PILRA: variants seen among roughly 807,000 people sequenced by gnomAD.
PILRA encodes paired immunoglobulin-like type 2 receptor alpha.
In PILRA, 37 loss-of-function variants were observed where a neutral mutation model predicts 33.1. The observed-to-expected ratio is 1.12, with a 90% confidence interval of 0.86 to 1.47. PILRA has a LOEUF of 1.47. Among genes scored for constraint, PILRA ranks in the 40% most tolerant of loss-of-function variants. The pLI is 0.00. For missense variants in PILRA, 312 were observed against 376.2 expected, an observed-to-expected ratio of 0.83 and a Z score of 1.41; for synonymous variants, 146 against 149.9, an observed-to-expected ratio of 0.97 and a Z score of 0.19.
At chr7:100,394,894 A>G (rs1297183919) in intron 3 of PILRA, among the ~76,000 whole-genome samples, 1 of 152,220 alleles carries the variant, frequency 6.6e-6, no homozygotes, top group Non-Finnish European at 1.5e-5. Flanking sequence ...AAGCCTCATG[A>G]CACTGGGTTT....
At chr7:100,390,639 GGAA>G (rs1396654465) in intron 3 of PILRA, among the ~76,000 whole-genome samples, 4 of 152,196 alleles carry the variant, frequency 2.6e-5, no homozygotes, top group South Asian at 2.1e-4. Flanking sequence ...AATAAGGGTG[GGAA>G]GAAGGAGAGG....
rs761489628 is a variant in PILRA, at chr7:100,374,301, G to A, written c.322G>A (p.Gly108Ser). 8.7e-6 allele frequency: 14 copies of A among 1,614,092 alleles called. No individual in the cohort carries two copies. The highest frequency in any genetic ancestry group is 1.2e-5 in the Non-Finnish European group (14 of 1,179,992). Residue 108 changes from glycine (G) to serine (S), a missense_variant, in exon 2 of 7, where the codon GGC (glycine) becomes AGC (serine). Coordinates refer to ENST00000198536, the MANE Select transcript of PILRA (RefSeq NM_013439.3). The stretch of plus-strand genomic sequence containing the variant: ...GAACTGGACAGAGGGTCAGAAGAGC[G>A]GCTTCCTCAGGATCTCCAACCTGCA... The part of the protein sequence containing the change: ...FLNWTEGQKS[G>S]FLRISNLQKQ...
chr7:100,377,497 T>C (rs1790982742), intron 2 of PILRA, among the ~76,000 whole-genome samples: 1 of 152,168 alleles, frequency 6.6e-6, no homozygotes, highest in African/African-American at 2.4e-5. Flanking sequence ...CGCCTCGGCC[T>C]CCCAAAGTGC....
intron 2 of PILRA, among the ~76,000 whole-genome samples, chr7:100,379,946 A>G (rs1286059051): frequency 1.3e-5 from 2 of 152,168 alleles, no homozygotes; most frequent in Non-Finnish European, 2.9e-5. Flanking sequence ...TTATACCACA[A>G]AACTCTGTAA....
chr7:100,378,610 T>C (rs1271331569), intron 2 of PILRA, among the ~76,000 whole-genome samples: 1 of 151,780 alleles, frequency 6.6e-6, no homozygotes, highest in African/African-American at 2.4e-5. Flanking sequence ...AAACATCATA[T>C]AAATGTCTCA....
At chr7:100,376,669 C>T (rs189384191) in intron 2 of PILRA, among the ~76,000 whole-genome samples, 1 of 151,312 alleles carries the variant, frequency 6.6e-6, no homozygotes, top group Non-Finnish European at 1.5e-5. Context: ...ACCATGTTAG[C>T]CAGGCTGCTC....
At position 100,385,934 on chromosome 7, in the gene PILRA, C is replaced by CT. The variant is rs570383071; in HGVS notation, c.455-3941dup. Among the ~76,000 whole-genome samples the CT allele has an allele frequency of 8.8e-3, 1,252 of 142,258 alleles. 4 individuals carry two copies. The highest frequency in any genetic ancestry group is 0.01 in the Non-Finnish European group (675 of 64,738). The allele number at this position is 142,258 out of a possible 152,430, so 93.3% of individuals were successfully genotyped here. ...GTGAGCCACCACACCCGGCCTATGTCTTTTTTTTTTTTTGAGACGGAGTTT... is the reference window on the plus strand; with the variant it reads ...GTGAGCCACCACACCCGGCCTATGTCTTTTTTTTTTTTTTGAGACGGAGTTT... On this transcript the variant is annotated intron_variant, in intron 2 of 6. Coordinates refer to ENST00000198536, the MANE Select transcript of PILRA (RefSeq NM_013439.3).
chr7:100,379,011 T>G (rs1791016642), intron 2 of PILRA, among the ~76,000 whole-genome samples: 2 of 147,338 alleles, frequency 1.4e-5, no homozygotes, highest in Admixed American at 1.4e-4. Context: ...GAGAATGGTG[T>G]CAACCCAGGA....
chr7:100,399,960 C>T lies in PILRA; in HGVS notation c.*53C>T, dbSNP rs762548329. 6.6e-7 allele frequency: 1 copy of T among 1,503,836 alleles called. No homozygotes were observed. Among genetic ancestry groups the T allele is most frequent in the Non-Finnish European group, 8.9e-7 (1 of 1,122,182 alleles). 93.2% of individuals were successfully genotyped at this position (1,503,836 alleles called of 1,614,324 possible). ...TGGTGAGGCCAGGTACAGTGGCGCACACCTGTAATCCCAGCTACTCTGAAG... is the reference window on the plus strand; with the variant it reads ...TGGTGAGGCCAGGTACAGTGGCGCATACCTGTAATCCCAGCTACTCTGAAG... On this transcript the variant is annotated 3_prime_UTR_variant, in exon 7 of 7. Coordinates refer to ENST00000198536, the MANE Select transcript of PILRA (RefSeq NM_013439.3).
intron 3 of PILRA, among the ~76,000 whole-genome samples, chr7:100,397,310 C>G (rs151116501): frequency 1.3e-4 from 19 of 151,186 alleles, no homozygotes; most frequent in African/African-American, 4.4e-4. Flanking sequence ...AAGGATGCCA[C>G]GGGGATGGGA....
intron 2 of PILRA, chr7:100,376,158 TG>T (rs1790942701): frequency 6.6e-6 from 1 of 152,242 alleles, no homozygotes; most frequent in Admixed American, 6.5e-5. Flanking sequence ...GCCTGCGCCC[TG>T]GTAAACCACT....
rs375877444 is a variant in PILRA, at chr7:100,382,789, C to T, written c.455-7099C>T. Among the ~76,000 whole-genome samples, 10 of 152,280 alleles carry T rather than the reference C, an allele frequency of 6.6e-5. No homozygotes were observed. In the East Asian group the frequency reaches 1.4e-3, roughly 21 times the overall value. On this transcript the variant is annotated intron_variant, in intron 2 of 6. Transcript: ENST00000198536. ...CCACACTGACCTTTATGAGCTGTAA[C>T]ACTCACCGTGAAGGTTTGTAGCTTC... is the stretch of plus-strand genomic sequence containing the variant.
chr7:100,376,417 T>G (rs1420550294), intron 2 of PILRA: 1 of 152,016 alleles, frequency 6.6e-6, no homozygotes, highest in Non-Finnish European at 1.5e-5. Flanking sequence ...TTAATTCAAT[T>G]AGTTGAATAT....
intron 2 of PILRA, among the ~76,000 whole-genome samples, chr7:100,379,092 CAAAAA>C (rs760446053): frequency 2.7e-5 from 2 of 73,588 alleles, no homozygotes; most frequent in Non-Finnish European, 5.5e-5. Flanking sequence ...GACTCTGTCT[CAAAAA>C]AAAAAAAAAA....
At chr7:100,399,687 T>G in intron 6 of PILRA, 75 bp downstream of exon 6, 1 of 1,608,912 alleles carries the variant, frequency 6.2e-7, no homozygotes, top group Non-Finnish European at 8.5e-7. Flanking sequence ...AGAAGGGGAG[T>G]GTGGTGTGGG....
chr7:100,373,871 C>A (rs1346806162), intron 1 of PILRA, 151 bp downstream of exon 1: 6 of 1,263,330 alleles, frequency 4.7e-6, no homozygotes, highest in Non-Finnish European at 6.6e-6. Context: ...CCCATCCTCT[C>A]CCCCTCCTCC....
intron 3 of PILRA, among the ~76,000 whole-genome samples, chr7:100,397,362 G>A (rs1047616056): frequency 6.6e-6 from 1 of 152,046 alleles, no homozygotes; most frequent in Non-Finnish European, 1.5e-5. Flanking sequence ...GATTCAGGGT[G>A]GGACCAGCCA....
At chr7:100,387,515 C>T (rs1020751363) in intron 2 of PILRA, among the ~76,000 whole-genome samples, 1 of 152,094 alleles carries the variant, frequency 6.6e-6, no homozygotes, top group Non-Finnish European at 1.5e-5. Context: ...TGCCTGGCCC[C>T]AAGGTATACT....
At chr7:100,385,182 C>G (rs1254905283) in intron 2 of PILRA, among the ~76,000 whole-genome samples, 1 of 152,134 alleles carries the variant, frequency 6.6e-6, no homozygotes. Context: ...AAATAAATAG[C>G]TAAAGTTGCT....
Sources: gnomAD v4.1 joint callset for allele counts (sites outside exome capture counted in the v4.1 genomes callset) on GRCh38, gnomAD v4.1.1 for gene constraint, MANE v1.5 for transcripts, NCBI Gene and HGNC (gene_info 2026-07-23, HGNC 2026-07-21) for gene names.